Variants in KCNAB1 observed in about 807,000 individuals in gnomAD.
KCNAB1 encodes voltage-gated potassium channel subunit beta-1.
A neutral mutation model predicts 64.6 loss-of-function variants in KCNAB1; 35 were observed. That is an observed-to-expected ratio of 0.54 (90% confidence interval 0.41 to 0.72). The LOEUF is 0.72. Ranked by LOEUF, KCNAB1 falls within the 30% of genes least tolerant of loss-of-function variation. The probability of loss-of-function intolerance (pLI) is 0.00; values close to 1 mark genes in which losing one functional copy is unlikely to be tolerated. For synonymous variants in KCNAB1, 177 were observed against 183.8 expected, an observed-to-expected ratio of 0.96 and a Z score of 0.30; for missense variants, 401 against 512.9, an observed-to-expected ratio of 0.78 and a Z score of 2.11.
chr3:156,144,046 A>G (rs569624299), intron 1 of KCNAB1, among the ~76,000 whole-genome samples: 2 of 152,188 alleles, frequency 1.3e-5, no homozygotes, highest in South Asian at 4.1e-4. Context: ...TTTTCTTGGT[A>G]TAGGGTTGGA....
chr3:156,165,719 ATTTATC>A (rs1711530167), intron 1 of KCNAB1, among the ~76,000 whole-genome samples: 2 of 152,078 alleles, frequency 1.3e-5, no homozygotes, highest in African/African-American at 4.8e-5. Flanking sequence ...TTTTATATGT[ATTTATC>A]TTTAACATTA....
chr3:156,118,406 C>G, upstream of KCNAB1: 1 of 429,166 alleles, frequency 2.3e-6, no homozygotes, highest in East Asian at 7.8e-5. Flanking sequence ...GTCTTTCTGA[C>G]TTAACTGTGA....
intron 1 of KCNAB1, among the ~76,000 whole-genome samples, chr3:156,335,084 T>G (rs1467274308): frequency 6.6e-6 from 1 of 152,232 alleles, no homozygotes; most frequent in East Asian, 1.9e-4. Flanking sequence ...TGGCTTTGCA[T>G]GACAGACAGT....
intron 1 of KCNAB1, among the ~76,000 whole-genome samples, chr3:156,395,097 G>A (rs1713326868): frequency 1.3e-5 from 2 of 152,234 alleles, no homozygotes; most frequent in South Asian, 4.1e-4. Context: ...ATAGACCTGT[G>A]CTCTTTAATC....
At chr3:156,420,298 G>A (rs760867740) in intron 1 of KCNAB1, among the ~76,000 whole-genome samples, 2 of 152,224 alleles carry the variant, frequency 1.3e-5, no homozygotes, top group African/African-American at 2.4e-5. Context: ...GGAAAGAAAA[G>A]GGAGCAATTT....
At chr3:156,531,526 G>A (rs1718700471) in intron 13 of KCNAB1, 29 bp downstream of exon 13, 2 of 1,518,182 alleles carry the variant, frequency 1.3e-6, no homozygotes, top group Non-Finnish European at 1.8e-6. Flanking sequence ...TCCAACATCA[G>A]GGAATTTAAT....
chr3:156,185,727 G>A (rs965434892), intron 1 of KCNAB1, among the ~76,000 whole-genome samples: 1 of 151,992 alleles, frequency 6.6e-6, no homozygotes, highest in Non-Finnish European at 1.5e-5. Context: ...TCCCATCCTC[G>A]ATGATAGGAG....
Position 156,461,816 on chromosome 3 carries a change from AT to A in KCNAB1, c.483-1885del, listed in dbSNP as rs1712934727. 4.6e-5 allele frequency among the ~76,000 whole-genome samples: 7 copies of A among 152,356 alleles called. No homozygotes were observed. In the South Asian group the frequency reaches 1.4e-3, roughly 32 times the overall value. On this transcript the variant is annotated intron_variant, in intron 5 of 13. Transcript: ENST00000490337. ...CACAAACTGCCTTTCATTCTTGCAAATAAAAACTCAAGCTATTATTATACTC... is the reference window on the plus strand; with the variant it reads ...CACAAACTGCCTTTCATTCTTGCAAAAAAAACTCAAGCTATTATTATACTC...
chr3:156,430,886 G>A (rs970094962), intron 2 of KCNAB1, among the ~76,000 whole-genome samples: 4 of 152,116 alleles, frequency 2.6e-5, no homozygotes, highest in Non-Finnish European at 5.9e-5. Context: ...CATGACTCTG[G>A]GTTGGCAGCT....
chr3:156,202,136 C>T (rs912188221), intron 1 of KCNAB1, among the ~76,000 whole-genome samples: 4 of 152,192 alleles, frequency 2.6e-5, no homozygotes, highest in African/African-American at 9.7e-5. Context: ...TGCTCTGCTA[C>T]AGATGCTTCC....
At chr3:156,277,443 C>T (rs1388356677) in intron 1 of KCNAB1, among the ~76,000 whole-genome samples, 1 of 152,058 alleles carries the variant, frequency 6.6e-6, no homozygotes, top group East Asian at 1.9e-4. Flanking sequence ...ATAAAAAATG[C>T]AGTATGTGTG....
intron 11 of KCNAB1, among the ~76,000 whole-genome samples, chr3:156,520,308 T>C (rs1003050402): frequency 2.6e-5 from 4 of 152,166 alleles, no homozygotes; most frequent in African/African-American, 9.7e-5. Context: ...AGGCCAGGTG[T>C]GGTGGCTCAT....
chr3:156,338,303 C>CTTTTTTTTTTTTTTTTTTTTTTTTT lies in KCNAB1; in HGVS notation c.276-83310_276-83286dup, dbSNP rs34671816. On this transcript the variant is annotated intron_variant, in intron 1 of 13. Coordinates refer to ENST00000490337, the MANE Select transcript of KCNAB1 (RefSeq NM_172160.3). ...TCTTATACTTTCTTTGGCATTTGCA[C>CTTTTTTTTTTTTTTTTTTTTTTTTT]TTTTTTTTTTTTTTTTTTTTTTTTT... Among the ~76,000 whole-genome samples the CTTTTTTTTTTTTTTTTTTTTTTTTT allele has an allele frequency of 6.8e-4, 27 of 39,496 alleles. 7 individuals are homozygous for CTTTTTTTTTTTTTTTTTTTTTTTTT. The highest frequency in any genetic ancestry group is 1.2e-3 in the South Asian group (1 of 820). The allele number at this position is 39,496 out of a possible 152,430, so 25.9% of individuals were successfully genotyped here.
intron 1 of KCNAB1, among the ~76,000 whole-genome samples, chr3:156,364,369 A>G (rs144833005): frequency 0.013 from 2,023 of 152,336 alleles, 17 homozygotes; most frequent in South Asian, 0.031. Context: ...CTAAGCATGA[A>G]ACCAAGTCCT....
At chr3:156,275,648 C>G (rs1265398601) in intron 1 of KCNAB1, among the ~76,000 whole-genome samples, 1 of 152,292 alleles carries the variant, frequency 6.6e-6, no homozygotes, top group African/African-American at 2.4e-5. Context: ...AGAATATTCA[C>G]AGCATCTTTA....
At position 156,416,420 on chromosome 3, in the gene KCNAB1, C is replaced by G. The variant is rs555884841; in HGVS notation, c.276-5196C>G. ...TCCAGTCTCTGAGCCTTTGCACATG[C>G]TGTTCACTCTGTTTGAAATGCTGAT... On this transcript the variant is annotated intron_variant, in intron 1 of 13. Coordinates refer to ENST00000490337, the MANE Select transcript of KCNAB1 (RefSeq NM_172160.3). 3.0e-4 allele frequency among the ~76,000 whole-genome samples: 46 copies of G among 152,326 alleles called. 2 individuals are homozygous for G. The highest frequency in any genetic ancestry group is 1.0e-3 in the African/African-American group (42 of 41,570).
chr3:156,335,163 A>G (rs910210610), intron 1 of KCNAB1, among the ~76,000 whole-genome samples: 1 of 152,226 alleles, frequency 6.6e-6, no homozygotes, highest in African/African-American at 2.4e-5. Context: ...TGAACACACT[A>G]TTAATTTTCC....
chr3:156,382,899 A>G (rs1427792706), intron 1 of KCNAB1, among the ~76,000 whole-genome samples: 2 of 152,244 alleles, frequency 1.3e-5, no homozygotes, highest in Non-Finnish European at 2.9e-5. Context: ...TTGTTAGCGC[A>G]GCCTAACCTA....
intron 1 of KCNAB1, among the ~76,000 whole-genome samples, chr3:156,396,271 G>C (rs1271287182): frequency 2.6e-5 from 4 of 152,152 alleles, no homozygotes; most frequent in Non-Finnish European, 5.9e-5. Context: ...AGCTAGCTCA[G>C]ATAAATGTTT....
Sources: allele counts gnomAD v4.1 joint callset (sites outside exome capture counted in the v4.1 genomes callset), GRCh38; gene constraint gnomAD v4.1.1; transcripts MANE v1.5; gene names NCBI Gene and HGNC (gene_info 2026-07-23, HGNC 2026-07-21).